The following TMED6 variants were observed in gnomAD, a reference collection of about 807,000 sequenced individuals.
TMED6 encodes transmembrane emp24 domain-containing protein 6.
In TMED6, 17 loss-of-function variants were observed where a neutral mutation model predicts 26.5. That is an observed-to-expected ratio of 0.64 (90% confidence interval 0.44 to 0.96). The LOEUF is 0.96. Ranked by LOEUF, TMED6 falls within the 40% of genes least tolerant of loss-of-function variation. TMED6 has a pLI of 0.00. For synonymous variants in TMED6, 107 were observed against 106.2 expected (o/e 1.01, Z -0.04); for missense variants, 309 against 296.5 (o/e 1.04, Z -0.31).
At chr16:69,351,467 GC>G (rs2142685929) in intron 1 of TMED6, 73 bp downstream of exon 1, 1 of 1,424,050 alleles carries the variant, frequency 7.0e-7, no homozygotes, top group African/African-American at 1.4e-5. Flanking sequence ...CCTTGTTTTG[GC>G]CTAAAACCTG....
Position 69,347,798 on chromosome 16 carries a change from T to C in TMED6, c.479A>G (p.Asp160Gly). 6.2e-7 allele frequency: 1 copy of C among 1,614,162 alleles called. No individual in the cohort carries two copies. The highest frequency in any genetic ancestry group is 8.5e-7 in the Non-Finnish European group (1 of 1,180,020). ...AAAACACTTCCTTACCTCAATTGCA[T>C]CCAGAGTATCATTCAGTTGTTTTCT... is the stretch of plus-strand genomic sequence containing the variant. Reference protein sequence around the residue: ...KERKQLNDTLDAIEDGTQKVQ... With the variant: ...KERKQLNDTLGAIEDGTQKVQ... The change falls in exon 3 of 4, where the codon GAT becomes GGT. Residue 160 changes from aspartate to glycine, a missense_variant. Transcript: ENST00000288025.
chr16:69,347,700 T>C, intron 3 of TMED6, 88 bp downstream of exon 3: 2 of 1,552,484 alleles, frequency 1.3e-6, no homozygotes, highest in Non-Finnish European at 8.8e-7. Context: ...CCTTGCCTGT[T>C]TGGTTTCTAC....
At position 69,347,911 on chromosome 16, in the gene TMED6, ATTAC is replaced by A. The variant is rs769521142; in HGVS notation, c.362_365del (p.Ser121IlefsTer34). 1.2e-6 allele frequency: 2 copies of A among 1,614,110 alleles called. No individual in the cohort carries two copies. The highest frequency in any genetic ancestry group is 8.5e-7 in the Non-Finnish European group (1 of 1,179,994). Reference sequence around the variant, plus strand: ...GCACAGAACCGAAGTGATTATGCTGATTACTTAGACAAAGCTGATAAAAACCTGT... The same window carrying A: ...GCACAGAACCGAAGTGATTATGCTGATTAGACAAAGCTGATAAAAACCTGT... On this transcript the variant is annotated frameshift_variant, in exon 3 of 4. Transcript: ENST00000288025. LOFTEE classifies it high-confidence loss of function.
In TMED6 at chr16:69,343,523, A is replaced by G. The variant is rs367719660; in HGVS notation, c.607T>C (p.Trp203Arg). 4.5e-5 allele frequency: 73 copies of G among 1,614,096 alleles called. No homozygotes were observed. The highest frequency in any genetic ancestry group is 6.1e-5 in the Non-Finnish European group (72 of 1,180,028). Residue 203 changes from tryptophan to arginine, a missense_variant, in exon 4 of 4, where the codon TGG (tryptophan) becomes CGG (arginine). Transcript: ENST00000288025. ...ACAAGGCTCTGGGCTGTCGACCACCAGTTCACGTAGTTATAGTTTGATTGG... is the reference window on the plus strand; with the variant it reads ...ACAAGGCTCTGGGCTGTCGACCACCGGTTCACGTAGTTATAGTTTGATTGG... ...LIQSNYNYVN[W>R]WSTAQSLVII... is the part of the protein sequence containing the mutation.
At chr16:69,350,505 G>A (rs1231188674) in intron 1 of TMED6, among the ~76,000 whole-genome samples, 1 of 151,964 alleles carries the variant, frequency 6.6e-6, no homozygotes, top group Non-Finnish European at 1.5e-5. Flanking sequence ...TCACCATATT[G>A]GCCAAGGTGG....
intron 3 of TMED6, among the ~76,000 whole-genome samples, chr16:69,346,019 A>G (rs2012680790): frequency 6.6e-6 from 1 of 152,218 alleles, no homozygotes; most frequent in Non-Finnish European, 1.5e-5. Context: ...TTCTCCAAAG[A>G]AGAGAGATGG....
At chr16:69,346,534 C>T (rs1181286433) in intron 3 of TMED6, among the ~76,000 whole-genome samples, 2 of 152,076 alleles carry the variant, frequency 1.3e-5, no homozygotes, top group East Asian at 1.9e-4. Flanking sequence ...GAGGCCGAGG[C>T]GGGCCAATCA....
At chr16:69,344,543 C>G (rs1286358118) in intron 3 of TMED6, among the ~76,000 whole-genome samples, 1 of 150,194 alleles carries the variant, frequency 6.7e-6, no homozygotes, top group Non-Finnish European at 1.5e-5. Flanking sequence ...GAGGCCGAGA[C>G]GGGCGGATTA....
chr16:69,351,470 T>C lies in TMED6; in HGVS notation c.213+71A>G, dbSNP rs2012774440. The C allele has an allele frequency of 4.0e-6, 6 of 1,495,894 alleles. No homozygotes were observed. In the South Asian group the frequency reaches 7.2e-5, roughly 18 times the overall value. The allele number at this position is 1,495,894 out of a possible 1,614,324, so 92.7% of individuals were successfully genotyped here. On this transcript the variant is annotated intron_variant, in intron 1 of 3. Coordinates refer to ENST00000288025, the MANE Select transcript of TMED6 (RefSeq NM_144676.4). Reference sequence around the variant, plus strand: ...AAGACAACCAGACCTTGTTTTGGCCTAAAACCTGACCCACTTTATGAGTAA... The same window carrying C: ...AAGACAACCAGACCTTGTTTTGGCCCAAAACCTGACCCACTTTATGAGTAA...
rs140233680 is a variant in TMED6 at position 69,343,677 on chromosome 16, A to G, written c.490-37T>C. 268 of 1,566,838 alleles carry G rather than the reference A, an allele frequency of 1.7e-4. No homozygotes were observed. The African/African-American group carries it at 2.2e-3, about 13-fold the overall frequency. ...ACAATTTTAAGGGGGATTCTTCCAA[A>G]CCCCCATCTAGCCTCACCTGAGCGC... is the stretch of plus-strand genomic sequence containing the variant. On this transcript the variant is annotated intron_variant, in intron 3 of 3. Coordinates refer to ENST00000288025, the MANE Select transcript of TMED6 (RefSeq NM_144676.4).
chr16:69,351,045 A>T (rs1297486717), intron 1 of TMED6, among the ~76,000 whole-genome samples: 1 of 152,148 alleles, frequency 6.6e-6, no homozygotes, highest in Non-Finnish European at 1.5e-5. Context: ...TCCTAAAAAA[A>T]AAAAATAGGA....
chr16:69,345,240 G>A (rs1230325794), intron 3 of TMED6, among the ~76,000 whole-genome samples: 2 of 152,008 alleles, frequency 1.3e-5, no homozygotes, highest in East Asian at 3.9e-4. Context: ...TCACGCCACT[G>A]CACTCCAGCC....
At position 69,351,565 on chromosome 16, in the gene TMED6, A is replaced by G; in HGVS notation, c.189T>C (p.Thr63=). 1 of 1,614,096 alleles carries G rather than the reference A, an allele frequency of 6.2e-7. No individual in the cohort carries two copies. Among genetic ancestry groups the G allele is most frequent in the Non-Finnish European group, 8.5e-7 (1 of 1,180,018 alleles). Residue 63 remains threonine, a synonymous_variant, in exon 1 of 4, where the codon ACT becomes ACC. Coordinates refer to ENST00000288025, the MANE Select transcript of TMED6 (RefSeq NM_144676.4). ...CCTCGTAACTGAAATAGAAGTATCC[A>G]GTCTGGTGGGCAAATTGCCAAAAGC... is the stretch of plus-strand genomic sequence containing the variant. ...TECFWQFAHQ[T]GYFYFSYEVQ... is the part of the protein sequence containing the mutation.
At chr16:69,350,885 AAGTT>A (rs1434692511) in intron 1 of TMED6, among the ~76,000 whole-genome samples, 3 of 152,212 alleles carry the variant, frequency 2.0e-5, no homozygotes, top group Non-Finnish European at 1.5e-5. Context: ...AAAAATTAGA[AAGTT>A]AACCGATTTC....
intron 1 of TMED6, among the ~76,000 whole-genome samples, chr16:69,350,068 G>A (rs540494463): frequency 5.6e-4 from 85 of 152,040 alleles, no homozygotes; most frequent in African/African-American, 1.9e-3. Flanking sequence ...TCAGGAGTTC[G>A]AGACCAGCCT....
intron 3 of TMED6, among the ~76,000 whole-genome samples, chr16:69,345,900 T>G (rs1292912438): frequency 6.6e-6 from 1 of 152,054 alleles, no homozygotes; most frequent in African/African-American, 2.4e-5. Flanking sequence ...CAGGCTAGTC[T>G]CAAACTCCTG....
chr16:69,347,975 C>T, intron 2 of TMED6, 39 bp from the exon 3 acceptor site: 4 of 1,607,256 alleles, frequency 2.5e-6, no homozygotes, highest in Non-Finnish European at 3.4e-6. Flanking sequence ...TCTTTGGTCT[C>T]CTCCCCTTTG....
chr16:69,350,500 A>G (rs2012759321), intron 1 of TMED6, among the ~76,000 whole-genome samples: 1 of 151,868 alleles, frequency 6.6e-6, no homozygotes, highest in Non-Finnish European at 1.5e-5. Flanking sequence ...CGTTTTCACC[A>G]TATTGGCCAA....
intron 3 of TMED6, 146 bp downstream of exon 3, chr16:69,347,642 G>C (rs1226922852): frequency 1.7e-6 from 2 of 1,198,762 alleles, no homozygotes; most frequent in Non-Finnish European, 2.3e-6. Flanking sequence ...TTACAGGCGT[G>C]AGCCACCGTG....
Sources: allele counts gnomAD v4.1 joint callset (sites outside exome capture counted in the v4.1 genomes callset), GRCh38; gene constraint gnomAD v4.1.1; transcripts MANE v1.5; gene names NCBI Gene and HGNC (gene_info 2026-07-23, HGNC 2026-07-21).